Variants in SLC4A5 observed in about 807,000 individuals in gnomAD.
SLC4A5 encodes solute carrier family 4 member 5.
Under a neutral mutation model 120.4 loss-of-function variants are expected in SLC4A5, and 96 were observed. The observed-to-expected ratio is 0.80, with a 90% CI of 0.68 to 0.94. The LOEUF is 0.94. Ranked by LOEUF, SLC4A5 falls within the 40% of genes least tolerant of loss-of-function variation. SLC4A5 has a pLI of 0.00. For synonymous variants in SLC4A5, 550 were observed against 571.1 expected, an observed-to-expected ratio of 0.96 and a Z score of 0.53; for missense variants, 1,259 against 1,459.5, an observed-to-expected ratio of 0.86 and a Z score of 2.24.
intron 24 of SLC4A5, among the ~76,000 whole-genome samples, chr2:74,231,929 T>C (rs1236389061): frequency 2.6e-5 from 4 of 152,062 alleles, no homozygotes; most frequent in Non-Finnish European, 5.9e-5. Context: ...GGGTTTGGTG[T>C]GGTCTCGCCC....
chr2:74,292,898 T>C (rs1199981010), intron 7 of SLC4A5, among the ~76,000 whole-genome samples: 1 of 152,196 alleles, frequency 6.6e-6, no homozygotes, highest in Non-Finnish European at 1.5e-5. Flanking sequence ...TCAGGGCCTA[T>C]CTTGTTCACA....
chr2:74,288,463 A>G (rs1672055236), intron 7 of SLC4A5, among the ~76,000 whole-genome samples: 1 of 152,246 alleles, frequency 6.6e-6, no homozygotes, highest in Non-Finnish European at 1.5e-5. Flanking sequence ...CTGGAACTTC[A>G]GAGGTGATCA....
intron 8 of SLC4A5, among the ~76,000 whole-genome samples, chr2:74,268,161 A>C (rs1410699280): frequency 1.3e-5 from 2 of 152,176 alleles, no homozygotes; most frequent in East Asian, 3.8e-4. Flanking sequence ...CCTAGCACAC[A>C]AGATACACTC....
At chr2:74,239,298 G>T in intron 21 of SLC4A5, 37 bp downstream of exon 21, 1 of 1,599,472 alleles carries the variant, frequency 6.3e-7, no homozygotes, top group Non-Finnish European at 8.6e-7. Context: ...GCAGCTGTCT[G>T]ACTGCAGGTC....
rs115742048 is a variant in SLC4A5 at position 74,286,424 on chromosome 2, C to T, written c.272-522G>A. On this transcript the variant is annotated intron_variant, in intron 7 of 30. Transcript: ENST00000394019. ...AGGCCCCAGCCTGCTTTCCAGCTGC[C>T]CATTGGAAGTCACTTCCTGGGTGTC... Among the ~76,000 whole-genome samples the T allele has an allele frequency of 3.5e-3, 534 of 152,300 alleles. 9 individuals are homozygous for T. The highest frequency in any genetic ancestry group is 0.012 in the African/African-American group (499 of 41,568).
intron 22 of SLC4A5, among the ~76,000 whole-genome samples, 184 bp downstream of exon 22, chr2:74,234,917 C>T (rs559048432): frequency 1.3e-5 from 2 of 152,168 alleles, no homozygotes; most frequent in African/African-American, 4.8e-5. Flanking sequence ...GAATATGTTA[C>T]CCCTCCCCGC....
At chr2:74,292,391 T>G (rs1250388913) in intron 7 of SLC4A5, among the ~76,000 whole-genome samples, 1 of 152,166 alleles carries the variant, frequency 6.6e-6, no homozygotes. Context: ...CCCTCCCTTC[T>G]GCCCACAGAA....
intron 10 of SLC4A5, 51 bp from the exon 11 acceptor site, chr2:74,262,283 C>T (rs774339673): frequency 1.2e-5 from 19 of 1,529,386 alleles, no homozygotes; most frequent in Admixed American, 8.5e-5. Context: ...GCTGGTGTAG[C>T]GAAGCCTCTT....
At position 74,220,571 on chromosome 2, in the gene SLC4A5, C is replaced by T. The variant is rs887280963; in HGVS notation, c.*33+863G>A. Among the ~76,000 whole-genome samples the T allele has an allele frequency of 9.2e-5, 14 of 152,032 alleles. 1 individual carries two copies. In the South Asian group the frequency reaches 1.5e-3, roughly 16 times the overall value. The stretch of plus-strand genomic sequence containing the variant: ...TTGCTCTGTTGCCCAGGCTGGAGTG[C>T]AGTGGCGTGATCTCGGCTCACTGCA... On this transcript the variant is annotated intron_variant, in intron 30 of 30. Transcript: ENST00000394019.
intron 29 of SLC4A5, among the ~76,000 whole-genome samples, chr2:74,221,995 G>T (rs998022223): frequency 6.6e-5 from 10 of 152,114 alleles, no homozygotes; most frequent in Non-Finnish European, 1.2e-4. Flanking sequence ...AATCTCCCAG[G>T]ATTTCCATAA....
intron 8 of SLC4A5, among the ~76,000 whole-genome samples, chr2:74,277,323 G>T (rs913324644): frequency 6.6e-6 from 1 of 152,186 alleles, no homozygotes; most frequent in Admixed American, 6.5e-5. Context: ...GCTGAGGCGG[G>T]TGGATCACCT....
chr2:74,264,183 A>T (rs746000357), exon 10 of SLC4A5: 10 of 1,614,150 alleles, frequency 6.2e-6, no homozygotes, highest in Non-Finnish European at 8.5e-6. Context: ...TCAGCTAAGG[A>T]GCGGTGGATG....
chr2:74,325,011 T>C (rs1200964591), intron 5 of SLC4A5, among the ~76,000 whole-genome samples: 2 of 152,202 alleles, frequency 1.3e-5, no homozygotes, highest in African/African-American at 4.8e-5. Context: ...TGTGACTCCC[T>C]GAGTCAGTTA....
rs541658066 is a variant in SLC4A5, at chr2:74,228,913, T to C, written c.2848-1035A>G. Among the ~76,000 whole-genome samples, 5 of 152,246 alleles carry C rather than the reference T, an allele frequency of 3.3e-5. No individual in the cohort carries two copies. In the South Asian group the frequency reaches 1.0e-3, roughly 32 times the overall value. ...ACAGCCTTTCAAAGCATTCTTCCGC[T>C]GTCTCTCTCAGCTGTTTCTGCCCCT... On this transcript the variant is annotated intron_variant, in intron 25 of 30. Transcript: ENST00000394019.
chr2:74,246,177 C>T (rs867520325), intron 19 of SLC4A5, among the ~76,000 whole-genome samples: 50 of 152,312 alleles, frequency 3.3e-4, no homozygotes, highest in Middle Eastern at 3.4e-3. Context: ...GGTGTTTTGG[C>T]CAGAAAGTAA....
chr2:74,338,566 C>T (rs1382780904), intron 3 of SLC4A5, among the ~76,000 whole-genome samples: 3 of 152,102 alleles, frequency 2.0e-5, no homozygotes, highest in South Asian at 4.1e-4. Flanking sequence ...CGCCTGTAAT[C>T]CCAGCACTTT....
intron 8 of SLC4A5, among the ~76,000 whole-genome samples, chr2:74,277,548 C>T (rs1156673273): frequency 6.6e-6 from 1 of 151,854 alleles, no homozygotes; most frequent in Admixed American, 6.6e-5. Flanking sequence ...GACTCCGTCT[C>T]AGAGACTGAA....
chr2:74,304,715 G>A lies in SLC4A5; in HGVS notation c.80-35C>T, dbSNP rs763949560. 3.8e-6 allele frequency: 6 copies of A among 1,570,112 alleles called. No homozygotes were observed. The Admixed American group carries it at 5.7e-5, about 15-fold the overall frequency. On this transcript the variant is annotated intron_variant, in intron 6 of 30. Coordinates refer to ENST00000394019, the Ensembl canonical transcript of SLC4A5. ...CGGCACAAAAGACAGGGGAGGCAGG[G>A]TTACTGAAAATTGGCATTTTTTCAT...
exon 10 of SLC4A5, chr2:74,264,269 C>G (rs746078201): frequency 6.2e-7 from 1 of 1,614,118 alleles, no homozygotes; most frequent in Non-Finnish European, 8.5e-7. Context: ...CCGCAGGAGA[C>G]CATCCTCAAT....
Sources: gnomAD v4.1 joint callset for allele counts (sites outside exome capture counted in the v4.1 genomes callset) on GRCh38, gnomAD v4.1.1 for gene constraint, MANE v1.5 for transcripts, NCBI Gene and HGNC (gene_info 2026-07-23, HGNC 2026-07-21) for gene names.